NOB1: variants seen among roughly 807,000 people sequenced by gnomAD.
NOB1 encodes RNA-binding protein NOB1.
In NOB1, 44 loss-of-function variants were observed where a neutral mutation model predicts 44.8. That is an observed-to-expected ratio of 0.98 (90% CI 0.77 to 1.26). The LOEUF is 1.26. Ranked by LOEUF, NOB1 falls within the 50% of genes most tolerant of loss-of-function variation. The pLI is 0.00. For missense variants in NOB1, 560 were observed against 544.8 expected, an observed-to-expected ratio of 1.03 and a Z score of -0.28; for synonymous variants, 238 against 218.7, an observed-to-expected ratio of 1.09 and a Z score of -0.78.
At position 69,742,384 on chromosome 16, in the gene NOB1, C is replaced by T. The variant is rs372678543; in HGVS notation, c.1187G>A (p.Arg396Gln). 2.0e-5 allele frequency: 33 copies of T among 1,614,120 alleles called. No homozygotes were observed. Among genetic ancestry groups the T allele is most frequent in the East Asian group, 6.7e-5 (3 of 44,900 alleles). The change falls in exon 9 of 9, where the codon CGG becomes CAG. Residue 396 changes from arginine to glutamine, a missense_variant. Transcript: ENST00000268802. The stretch of plus-strand genomic sequence containing the variant: ...GGAAGCGTTGGGATTTAAGCGTCTC[C>T]GCCCAGCTCCCAAGGTGCTGTCCCG... ...QVRDSTLGAG[R>Q]RRLNPNASRK...
intron 8 of NOB1, 136 bp from the exon 9 acceptor site, chr16:69,742,737 T>C (rs1388717967): frequency 3.7e-6 from 3 of 820,590 alleles, no homozygotes. Context: ...CTGCCTACCA[T>C]GTGCTACGTG....
intron 7 of NOB1, among the ~76,000 whole-genome samples, chr16:69,746,578 C>T (rs142125026): frequency 6.6e-6 from 1 of 152,304 alleles, no homozygotes; most frequent in Non-Finnish European, 1.5e-5. Context: ...AACTGTCTTC[C>T]TAGTTCCTCA....
Position 69,754,589 on chromosome 16 carries a change from C to T in NOB1, c.196+5G>A. On this transcript the variant is annotated splice_donor_5th_base_variant and intron_variant, in intron 2 of 8. Coordinates refer to ENST00000268802, the MANE Select transcript of NOB1 (RefSeq NM_014062.3). Reference sequence around the variant, plus strand: ...TCCCGTCAACGCTAGGGCAGAGGCACTCACCCAGCCGCACGTATTCCGGTA... The same window carrying T: ...TCCCGTCAACGCTAGGGCAGAGGCATTCACCCAGCCGCACGTATTCCGGTA... 1 of 1,613,980 alleles carries T rather than the reference C, an allele frequency of 6.2e-7. No individual in the cohort carries two copies. Among genetic ancestry groups the T allele is most frequent in the Non-Finnish European group, 8.5e-7 (1 of 1,179,990 alleles).
intron 2 of NOB1, 124 bp downstream of exon 2, chr16:69,754,470 T>C: frequency 7.5e-7 from 1 of 1,340,746 alleles, no homozygotes; most frequent in Non-Finnish European, 1.0e-6. Context: ...CACAATCTCC[T>C]AGAAAGTGCT....
Position 69,744,879 on chromosome 16 carries a change from G to A in NOB1, c.963C>T (p.Gly321=), listed in dbSNP as rs1404011516. 1 of 1,612,752 alleles carries A rather than the reference G, an allele frequency of 6.2e-7. No individual in the cohort carries two copies. Among genetic ancestry groups the A allele is most frequent in the African/African-American group, 1.3e-5 (1 of 74,932 alleles). Residue 321 remains glycine (G), a synonymous_variant, in exon 8 of 9, where the codon GGC becomes GGT. Transcript: ENST00000268802. ...SRNPKVLNPR[G]LRYSLPTPKG... is the part of the protein sequence containing the mutation. The stretch of plus-strand genomic sequence containing the variant: ...TGGGAGAGGCGCCACTCACCCGGAG[G>A]CCGCGGGGGTTCAGCACCTTGGGGT...
chr16:69,748,683 CAT>C (rs1432931077), intron 6 of NOB1: 2 of 526,416 alleles, frequency 3.8e-6, no homozygotes, highest in African/African-American at 2.0e-5. Context: ...AAAAAAAAAT[CAT>C]AAAAAAATCA....
intron 7 of NOB1, among the ~76,000 whole-genome samples, chr16:69,747,286 G>T (rs1186997730): frequency 6.8e-6 from 1 of 148,114 alleles, no homozygotes; most frequent in East Asian, 2.0e-4. Context: ...GCCTGTAATC[G>T]CACCACTTTA....
intron 8 of NOB1, among the ~76,000 whole-genome samples, chr16:69,743,704 A>G (rs1212482397): frequency 3.3e-5 from 5 of 152,362 alleles, no homozygotes; most frequent in African/African-American, 1.2e-4. Context: ...CCCAGTCGAA[A>G]AAAGACAAGA....
chr16:69,743,175 C>T (rs1398314791), intron 8 of NOB1, among the ~76,000 whole-genome samples: 1 of 152,132 alleles, frequency 6.6e-6, no homozygotes, highest in African/African-American at 2.4e-5. Flanking sequence ...TGATAGATCA[C>T]AACCTGTAGA....
At chr16:69,745,085 G>A (rs998664780) in intron 7 of NOB1, 68 bp from the exon 8 acceptor site, 1 of 1,553,802 alleles carries the variant, frequency 6.4e-7, no homozygotes, top group African/African-American at 1.4e-5. Flanking sequence ...CAGAGCACAA[G>A]GTGGGTCTCG....
At chr16:69,745,138 CAT>C (rs1485886303) in intron 7 of NOB1, 121 bp from the exon 8 acceptor site, 59 of 1,009,676 alleles carry the variant, frequency 5.8e-5, no homozygotes, top group Admixed American at 1.5e-4. Flanking sequence ...CCGCACCACA[CAT>C]GTCACAAAGA....
At chr16:69,748,694 CAT>C (rs1315986677) in intron 6 of NOB1, 1 of 537,576 alleles carries the variant, frequency 1.9e-6, no homozygotes, top group East Asian at 3.0e-5. Context: ...ATAAAAAAAT[CAT>C]AAATAGTAAA....
intron 7 of NOB1, among the ~76,000 whole-genome samples, chr16:69,745,935 G>A (rs1287904117): frequency 6.6e-6 from 1 of 152,258 alleles, no homozygotes; most frequent in Non-Finnish European, 1.5e-5. Flanking sequence ...TCTAAGAATT[G>A]AGTGTTAATC....
chr16:69,744,941 T>C lies in NOB1; in HGVS notation c.901A>G (p.Ser301Gly). The C allele has an allele frequency of 6.2e-7, 1 of 1,614,228 alleles. No homozygotes were observed. The highest frequency in any genetic ancestry group is 1.3e-5 in the African/African-American group (1 of 75,066). Residue 301 changes from serine to glycine, a missense_variant, in exon 8 of 9, where the codon AGC (serine) becomes GGC (glycine). Coordinates refer to ENST00000268802, the MANE Select transcript of NOB1 (RefSeq NM_014062.3). ...TGCATGTGCAGGGTGCCGTCGTCGCTGACGGTCACGGACACTTTCTTCAGG... is the reference window on the plus strand; with the variant it reads ...TGCATGTGCAGGGTGCCGTCGTCGCCGACGGTCACGGACACTTTCTTCAGG... ...KTLKKVSVTV[S>G]DDGTLHMHFS...
At chr16:69,754,447 G>T in intron 2 of NOB1, 147 bp downstream of exon 2, 1 of 1,106,092 alleles carries the variant, frequency 9.0e-7, no homozygotes, top group Non-Finnish European at 1.3e-6. Context: ...GACCCAGGAA[G>T]CCTCTCTCCT....
intron 7 of NOB1, 86 bp from the exon 8 acceptor site, chr16:69,745,103 G>A: frequency 2.7e-6 from 4 of 1,454,760 alleles, no homozygotes; most frequent in Non-Finnish European, 3.8e-6. Context: ...TCGGGCCTCA[G>A]GAGAAGAAAC....
intron 6 of NOB1, 55 bp downstream of exon 6, chr16:69,748,863 G>T: frequency 6.9e-7 from 1 of 1,454,712 alleles, no homozygotes; most frequent in Non-Finnish European, 9.3e-7. Context: ...GTACACCTCG[G>T]TAGGACCACT....
At chr16:69,750,373 C>T (rs1295293347) in intron 3 of NOB1, among the ~76,000 whole-genome samples, 1 of 152,034 alleles carries the variant, frequency 6.6e-6, no homozygotes. Flanking sequence ...GGCTCACTAA[C>T]TCCCAGCCCT....
intron 6 of NOB1, chr16:69,748,675 AAAAAAATCAT>A: frequency 1.9e-6 from 1 of 534,100 alleles, no homozygotes; most frequent in East Asian, 3.0e-5. Flanking sequence ...ATATACTGAA[AAAAAAATCAT>A]AAAAAAATCA....
Sources: allele counts gnomAD v4.1 joint callset (sites outside exome capture counted in the v4.1 genomes callset), GRCh38; gene constraint gnomAD v4.1.1; transcripts MANE v1.5; gene names NCBI Gene and HGNC (gene_info 2026-07-23, HGNC 2026-07-21).